Variants in RET observed in about 807,000 individuals in gnomAD.
RET encodes ret proto-oncogene.
A neutral mutation model predicts 118.3 loss-of-function variants in RET; 19 were observed. That is an observed-to-expected ratio of 0.16 (90% confidence interval 0.11 to 0.24). The LOEUF is 0.24. RET is among the 10% of genes least tolerant of loss of function. RET has a pLI of 1.00. For missense variants in RET, 1,219 were observed against 1,502.1 expected (o/e 0.81, Z 3.12); for synonymous variants, 597 against 644.1 (o/e 0.93, Z 1.11).
chr10:43,107,278 C>T (rs1471947017), intron 5 of RET, among the ~76,000 whole-genome samples: 1 of 152,190 alleles, frequency 6.6e-6, no homozygotes, highest in Non-Finnish European at 1.5e-5. Context: ...ATGGAGGCCC[C>T]ACTTGTCAGA....
chr10:43,119,446 G>A, intron 13 of RET, 85 bp from the exon 14 acceptor site: 1 of 1,185,862 alleles, frequency 8.4e-7, no homozygotes, highest in Non-Finnish European at 1.2e-6. Context: ...CCGGGCCTGG[G>A]GACCCTGCGG....
rs1316441800 is a variant in RET, at chr10:43,080,753, G to A, written c.73+3422G>A. Among the ~76,000 whole-genome samples the A allele has an allele frequency of 4.6e-5, 7 of 152,374 alleles. No individual in the cohort carries two copies. In the East Asian group the frequency reaches 1.4e-3, roughly 29 times the overall value. ...GTCTCGTCAGCTTTAGTTGATGTCT[G>A]GGAGTCCTATGGGTCTGGGGAGGAG... On this transcript the variant is annotated intron_variant, in intron 1 of 19. Coordinates refer to ENST00000355710, the MANE Select transcript of RET (RefSeq NM_020975.6).
At position 43,118,393 on chromosome 10, in the gene RET, C is replaced by T. The variant is rs142793711; in HGVS notation, c.2305C>T (p.Leu769=). The T allele has an allele frequency of 9.3e-6, 15 of 1,613,986 alleles. No homozygotes were observed. In the African/African-American group the frequency reaches 1.7e-4, roughly 19 times the overall value. ...MLKENASPSE[L]RDLLSEFNVL... is the part of the protein sequence containing the mutation. ...TTCAGAGAACGCCTCCCCGAGTGAG[C>T]TGCGAGACCTGCTGTCAGAGTTCAA... The change falls in exon 13 of 20, where the codon CTG becomes TTG. Residue 769 remains leucine (L), a synonymous_variant. Coordinates refer to ENST00000355710, the MANE Select transcript of RET (RefSeq NM_020975.6).
intron 3 of RET, 194 bp downstream of exon 3, chr10:43,102,823 C>A: frequency 1.5e-6 from 1 of 673,534 alleles, no homozygotes; most frequent in South Asian, 1.9e-5. Context: ...ACAATGAACA[C>A]AACGGGTTGG....
At chr10:43,090,680 T>A (rs1025034132) in intron 1 of RET, among the ~76,000 whole-genome samples, 2 of 152,082 alleles carry the variant, frequency 1.3e-5, no homozygotes, top group African/African-American at 4.8e-5. Context: ...TATTTCTTAT[T>A]ATATTTATTT....
Position 43,119,879 on chromosome 10 carries a change from G to A in RET, c.2607+134G>A, listed in dbSNP as rs988466974. The A allele has an allele frequency of 6.3e-5, 79 of 1,261,630 alleles. 1 individual carries two copies. Among genetic ancestry groups the A allele is most frequent in the South Asian group, 2.4e-4 (19 of 79,506 alleles). 78.2% of individuals were successfully genotyped at this position (1,261,630 alleles called of 1,614,324 possible). ...TCTAGCCCACCATGCCCCTGCCATG[G>A]CATGCCATGCTATGGCTCACCACGC... On this transcript the variant is annotated intron_variant, in intron 14 of 19. Coordinates refer to ENST00000355710, the MANE Select transcript of RET (RefSeq NM_020975.6).
At chr10:43,116,489 C>A (rs2132899558) in intron 11 of RET, 95 bp from the exon 12 acceptor site, 1 of 1,463,148 alleles carries the variant, frequency 6.8e-7, no homozygotes, top group Non-Finnish European at 9.6e-7. Flanking sequence ...TGGAACTTGT[C>A]CATGGGGCCT....
chr10:43,097,274 C>G (rs1256504292), intron 1 of RET, among the ~76,000 whole-genome samples: 1 of 152,210 alleles, frequency 6.6e-6, no homozygotes, highest in Non-Finnish European at 1.5e-5. Context: ...GGATCTGCTC[C>G]TGCGACAGAT....
chr10:43,086,732 G>A (rs2132558484), intron 1 of RET, among the ~76,000 whole-genome samples: 1 of 152,392 alleles, frequency 6.6e-6, no homozygotes, highest in Admixed American at 6.5e-5. Context: ...TGCCAGTGAG[G>A]CTGGTGATTA....
intron 1 of RET, among the ~76,000 whole-genome samples, chr10:43,090,738 AC>A (rs1449960261): frequency 6.6e-6 from 1 of 150,910 alleles, no homozygotes; most frequent in Non-Finnish European, 1.5e-5. Context: ...TTTTTTGCGC[AC>A]CCAGGCGCAT....
intron 13 of RET, among the ~76,000 whole-genome samples, chr10:43,118,886 G>A (rs762406293): frequency 4.6e-5 from 7 of 152,210 alleles, no homozygotes; most frequent in East Asian, 3.9e-4. Context: ...CCCCAGCCCC[G>A]CCCTGCATGG....
chr10:43,098,201 C>T (rs1019122497), intron 1 of RET, among the ~76,000 whole-genome samples: 3 of 152,150 alleles, frequency 2.0e-5, no homozygotes, highest in African/African-American at 7.2e-5. Flanking sequence ...TTTTCATCTT[C>T]CCAAACTTAA....
chr10:43,106,537 C>T lies in RET; in HGVS notation c.1029C>T (p.Asn343=), dbSNP rs764668178. Reference sequence around the variant, plus strand: ...CCAACGAGACCTCGGTCCAGGCCAACGGCAGCTTCGTGCGGGCGACCGTAC... The same window carrying T: ...CCAACGAGACCTCGGTCCAGGCCAATGGCAGCTTCGTGCGGGCGACCGTAC... ...HWPNETSVQA[N]GSFVRATVHD... is the part of the protein sequence containing the mutation. The change falls in exon 5 of 20, where the codon AAC becomes AAT. Residue 343 remains asparagine (N), a synonymous_variant. Transcript: ENST00000355710. This position sits in a 1 kb window ranked among gnomAD's most constrained non-coding sequence, Gnocchi z 5.1. 6 of 1,613,626 alleles carry T rather than the reference C, an allele frequency of 3.7e-6. No individual in the cohort carries two copies. Among genetic ancestry groups the T allele is most frequent in the Non-Finnish European group, 5.1e-6 (6 of 1,179,822 alleles).
intron 2 of RET, 115 bp downstream of exon 2, chr10:43,100,837 T>A: frequency 8.4e-7 from 1 of 1,195,116 alleles, no homozygotes; most frequent in Non-Finnish European, 1.2e-6. Flanking sequence ...ACCGCTGGTG[T>A]GGAAGGCGTC....
At position 43,113,449 on chromosome 10, in the gene RET, T is replaced by A. The variant is rs1175973058; in HGVS notation, c.1760-107T>A. Reference sequence around the variant, plus strand: ...CCCCTGGCCTCACTGGGCCTATGCTTGCGACACCAGTTGGGGAGGGGGCTC... The same window carrying A: ...CCCCTGGCCTCACTGGGCCTATGCTAGCGACACCAGTTGGGGAGGGGGCTC... On this transcript the variant is annotated intron_variant, in intron 9 of 19. Coordinates refer to ENST00000355710, the MANE Select transcript of RET (RefSeq NM_020975.6). 2.2e-6 allele frequency: 3 copies of A among 1,346,258 alleles called. No homozygotes were observed. The African/African-American group carries it at 4.4e-5, about 20-fold the overall frequency. The allele number at this position is 1,346,258 out of a possible 1,614,324, so 83.4% of individuals were successfully genotyped here. A position where few individuals can be genotyped will look rare whatever the true frequency, so the allele number is the denominator to read the frequency against.
At chr10:43,099,621 C>G (rs1272451758) in intron 1 of RET, among the ~76,000 whole-genome samples, 1 of 152,192 alleles carries the variant, frequency 6.6e-6, no homozygotes, top group African/African-American at 2.4e-5. Context: ...AATATGCCCA[C>G]GTGATCTGCA....
intron 16 of RET, 136 bp from the exon 17 acceptor site, chr10:43,123,535 C>A: frequency 1.7e-6 from 2 of 1,195,978 alleles, no homozygotes; most frequent in Non-Finnish European, 2.5e-6. Flanking sequence ...CAGACCCAGG[C>A]TGACATCTGT....
At chr10:43,078,856 T>C (rs1488066159) in intron 1 of RET, among the ~76,000 whole-genome samples, 1 of 152,178 alleles carries the variant, frequency 6.6e-6, no homozygotes, top group African/African-American at 2.4e-5. Context: ...AATCCAGAGA[T>C]GGTGAGCCCC....
At chr10:43,079,638 C>T (rs548052097) in intron 1 of RET, among the ~76,000 whole-genome samples, 58 of 152,312 alleles carry the variant, frequency 3.8e-4, no homozygotes, top group Non-Finnish European at 6.3e-4. Context: ...CCTGGCCTGA[C>T]TTCTTGGGTC....
Sources: gnomAD v4.1 joint callset for allele counts (sites outside exome capture counted in the v4.1 genomes callset) on GRCh38, gnomAD v4.1.1 for gene constraint, Gnocchi (gnomAD v3.1) non-coding constraint, MANE v1.5 for transcripts, NCBI Gene and HGNC (gene_info 2026-07-23, HGNC 2026-07-21) for gene names.